MICU3: variants seen among roughly 807,000 people sequenced by gnomAD.
MICU3 encodes calcium uptake protein 3, mitochondrial.
A neutral mutation model predicts 66.5 loss-of-function variants in MICU3; 62 were observed. That is an observed-to-expected ratio of 0.93 (90% CI 0.76 to 1.15). The LOEUF is 1.15. MICU3 is among the 50% of genes most tolerant of loss of function. MICU3 has a pLI of 0.00. For synonymous variants in MICU3, 308 were observed against 240.7 expected (o/e 1.28, Z -2.59); for missense variants, 779 against 664.4 (o/e 1.17, Z -1.90).
chr8:17,097,952 T>C (rs1800891179), intron 8 of MICU3, among the ~76,000 whole-genome samples: 1 of 151,808 alleles, frequency 6.6e-6, no homozygotes, highest in African/African-American at 2.4e-5. Context: ...AAAACAGGTC[T>C]ATTTCTTTTT....
At chr8:17,119,593 G>A (rs1162187227) in intron 14 of MICU3, among the ~76,000 whole-genome samples, 1 of 145,794 alleles carries the variant, frequency 6.9e-6, no homozygotes, top group African/African-American at 2.8e-5. Flanking sequence ...TTCCCAAAGT[G>A]GTTCCTCAGC....
At chr8:17,097,878 G>A (rs766850551) in intron 8 of MICU3, among the ~76,000 whole-genome samples, 1 of 151,794 alleles carries the variant, frequency 6.6e-6, no homozygotes, top group South Asian at 2.1e-4. Context: ...ATAATAAGTA[G>A]TACCGTAACC....
chr8:17,056,537 C>A (rs1816957628), intron 1 of MICU3, among the ~76,000 whole-genome samples: 1 of 152,152 alleles, frequency 6.6e-6, no homozygotes, highest in South Asian at 2.1e-4. Context: ...TCAAGGAATT[C>A]ATGATTGAAT....
At chr8:17,082,954 G>C (rs1410988060) in intron 5 of MICU3, among the ~76,000 whole-genome samples, 1 of 152,100 alleles carries the variant, frequency 6.6e-6, no homozygotes, top group African/African-American at 2.4e-5. Flanking sequence ...TGACTAGACT[G>C]AGCCAATTTA....
the MICU3 span, among the ~76,000 whole-genome samples, chr8:17,129,169 C>G: frequency 6.9e-4 from 105 of 152,310 alleles, 2 homozygotes; most frequent in African/African-American, 2.4e-3. Context: ...CCGCAGCTAC[C>G]TGCCAGAACA....
At chr8:17,114,716 C>T (rs925671665) in intron 12 of MICU3, among the ~76,000 whole-genome samples, 2 of 152,160 alleles carry the variant, frequency 1.3e-5, no homozygotes, top group African/African-American at 4.8e-5. Context: ...ATCACCTTCC[C>T]TCTCCTCATG....
At chr8:17,117,367 A>G (rs1293207708) in intron 13 of MICU3, among the ~76,000 whole-genome samples, 1 of 152,202 alleles carries the variant, frequency 6.6e-6, no homozygotes, top group Non-Finnish European at 1.5e-5. Flanking sequence ...AATATGAAAA[A>G]TAAGTTAAAA....
At chr8:17,132,288 T>C in the MICU3 span, 1 of 152,212 alleles carries the variant, frequency 6.6e-6, no homozygotes. Context: ...TTTCTGCAGT[T>C]GGTCACAAGG....
chr8:17,116,420 T>C (rs1315008176), intron 12 of MICU3, 23 bp from the exon 13 acceptor site: 2 of 1,385,662 alleles, frequency 1.4e-6, no homozygotes, highest in Non-Finnish European at 1.9e-6. Context: ...AGTCTATTCT[T>C]TTTCTATGTA....
intron 9 of MICU3, chr8:17,102,732 A>T (rs1036016043): frequency 6.6e-6 from 1 of 151,982 alleles, no homozygotes; most frequent in Non-Finnish European, 1.5e-5. Context: ...AAAACATAGT[A>T]TGTGACACTT....
rs144807115 is a variant in MICU3 at position 17,053,980 on chromosome 8, T to C, written c.382-10104T>C. On this transcript the variant is annotated intron_variant, in intron 1 of 14. Transcript: ENST00000318063. Reference sequence around the variant, plus strand: ...GATTTCATGTTTCTACTGTGTGGCCTCACACTTATAAATAAGGTAAGTCAT... The same window carrying C: ...GATTTCATGTTTCTACTGTGTGGCCCCACACTTATAAATAAGGTAAGTCAT... Among the ~76,000 whole-genome samples, 328 of 152,332 alleles carry C rather than the reference T, an allele frequency of 2.2e-3. 2 individuals are homozygous for C. Among genetic ancestry groups the C allele is most frequent in the African/African-American group, 7.2e-3 (301 of 41,586 alleles).
At chr8:17,036,194 G>T (rs1301676009) in intron 1 of MICU3, among the ~76,000 whole-genome samples, 2 of 152,134 alleles carry the variant, frequency 1.3e-5, no homozygotes, top group Admixed American at 1.3e-4. Flanking sequence ...TGCGGTGAGT[G>T]TTACAGCTCT....
chr8:17,049,700 T>C, intron 1 of MICU3: 2 of 503,858 alleles, frequency 4.0e-6, no homozygotes, highest in Non-Finnish European at 7.9e-6. Context: ...GGTTGTGTGT[T>C]GTAATACTGA....
intron 8 of MICU3, among the ~76,000 whole-genome samples, chr8:17,096,162 A>G (rs559883210): frequency 2.0e-5 from 3 of 152,010 alleles, no homozygotes; most frequent in South Asian, 2.1e-4. Context: ...TTGGTCTACT[A>G]TTTACATATC....
At chr8:17,048,490 G>A (rs919088269) in intron 1 of MICU3, among the ~76,000 whole-genome samples, 1 of 152,256 alleles carries the variant, frequency 6.6e-6, no homozygotes, top group Admixed American at 6.5e-5. Flanking sequence ...GAACAGTGTG[G>A]GAAAGACCCA....
rs756560810 is a variant in MICU3 at position 17,027,349 on chromosome 8, C to G, written c.70C>G (p.Leu24Val). 2.6e-6 allele frequency: 4 copies of G among 1,512,586 alleles called. No individual in the cohort carries two copies. In the South Asian group the frequency reaches 5.1e-5, roughly 19 times the overall value. 93.7% of individuals were successfully genotyped at this position (1,512,586 alleles called of 1,614,324 possible). The part of the protein sequence containing the change: ...VSPPLCAHQP[L>V]LGPWGRPAVT... ...TCCTCCACTCTGCGCTCACCAGCCC[C>G]TCCTTGGGCCGTGGGGGCGGCCTGC... Residue 24 changes from leucine (L) to valine (V), a missense_variant, in exon 1 of 15, where the codon CTC becomes GTC. Physicochemically the swap from Leu to Val is conservative, Grantham distance 32. Transcript: ENST00000318063.
At chr8:17,031,159 C>T (rs1163639721) in intron 1 of MICU3, among the ~76,000 whole-genome samples, 2 of 151,738 alleles carry the variant, frequency 1.3e-5, no homozygotes, top group Admixed American at 6.6e-5. Flanking sequence ...TCAAGCCTGC[C>T]GTGGGCTATT....
chr8:17,067,451 G>T (rs1234223028), intron 2 of MICU3, among the ~76,000 whole-genome samples: 2 of 150,528 alleles, frequency 1.3e-5, no homozygotes, highest in Admixed American at 6.6e-5. Context: ...TTTTCCCCAA[G>T]AGGAGACTCG....
intron 7 of MICU3, among the ~76,000 whole-genome samples, chr8:17,087,487 T>G (rs982407768): frequency 6.6e-6 from 1 of 152,034 alleles, no homozygotes. Context: ...TTCTGGGATA[T>G]ATAATATTTT....
Sources: allele counts gnomAD v4.1 joint callset (sites outside exome capture counted in the v4.1 genomes callset), GRCh38; gene constraint gnomAD v4.1.1; transcripts MANE v1.5; gene names NCBI Gene and HGNC (gene_info 2026-07-23, HGNC 2026-07-21).